MYH3: variants seen among roughly 807,000 people sequenced by gnomAD.
MYH3 encodes myosin heavy chain 3, also known as myosin-3.
MYH3 carries 130 observed loss-of-function variants against 238.0 expected under a neutral mutation model. The ratio of observed to expected loss-of-function variants is 0.55; its 90% CI spans 0.47 to 0.63. MYH3 has a LOEUF of 0.63. Among genes scored for constraint, MYH3 ranks in the 30% least tolerant of loss-of-function variants. The pLI is 0.00. For synonymous variants in MYH3, 880 were observed against 924.1 expected, an observed-to-expected ratio of 0.95 and a Z score of 0.86; for missense variants, 1,853 against 2,374.9, an observed-to-expected ratio of 0.78 and a Z score of 4.57.
rs1162716347 is a variant in MYH3 at position 10,647,353 on chromosome 17, A to G, written c.799+10T>C. 2.5e-6 allele frequency: 4 copies of G among 1,614,150 alleles called. No individual in the cohort carries two copies. The highest frequency in any genetic ancestry group is 1.1e-5 in the South Asian group (1 of 91,084). On this transcript the variant is annotated intron_variant, in intron 9 of 40. Coordinates refer to ENST00000583535, the MANE Select transcript of MYH3 (RefSeq NM_002470.4). Reference sequence around the variant, plus strand: ...CTGAGACGCCATCGAATCCCCATGGATCTACTTACAAGTTTCAATATCTGC... The same window carrying G: ...CTGAGACGCCATCGAATCCCCATGGGTCTACTTACAAGTTTCAATATCTGC...
Position 10,639,599 on chromosome 17 carries a change from CA to C in MYH3, c.2885del (p.Leu962ArgfsTer25), listed in dbSNP as rs1431008342. The C allele has an allele frequency of 6.2e-7, 1 of 1,613,974 alleles. No homozygotes were observed. Among genetic ancestry groups the C allele is most frequent in the Non-Finnish European group, 8.5e-7 (1 of 1,180,022 alleles). ...KKDIDDLELT[L>X]AKVEKEKHAT... ...CATGCTTCTCCTTCTCAACCTTGGCCAGGGTCAACTCAAGGTCATCAATGTC... is the reference window on the plus strand; with the variant it reads ...CATGCTTCTCCTTCTCAACCTTGGCCGGGTCAACTCAAGGTCATCAATGTC... On this transcript the variant is annotated frameshift_variant, in exon 23 of 41. Coordinates refer to ENST00000583535, the MANE Select transcript of MYH3 (RefSeq NM_002470.4). LOFTEE classifies it high-confidence loss of function.
At chr17:10,651,739 T>C in intron 4 of MYH3, 71 bp from the exon 5 acceptor site, 1 of 1,495,254 alleles carries the variant, frequency 6.7e-7, no homozygotes, top group South Asian at 1.2e-5. Flanking sequence ...GCCTTTATTA[T>C]TATTATTGTT....
At position 10,631,960 on chromosome 17, in the gene MYH3, C is replaced by T. The variant is rs748302259; in HGVS notation, c.5013G>A (p.Gln1671=). 1 of 1,614,076 alleles carries T rather than the reference C, an allele frequency of 6.2e-7. No individual in the cohort carries two copies. Among genetic ancestry groups the T allele is most frequent in the Admixed American group, 1.7e-5 (1 of 60,032 alleles). ...ALRGQEDLKE[Q]LAIVERRANL... is the part of the protein sequence containing the mutation. The stretch of plus-strand genomic sequence containing the variant: ...TGGCTCTGCGCTCCACAATCGCCAG[C>T]TGCTCCTTCAGGTCCTCCTGGCCCC... Residue 1671 remains glutamine (Q), a synonymous_variant, in exon 35 of 41, where the codon CAG becomes CAA. Coordinates refer to ENST00000583535, the MANE Select transcript of MYH3 (RefSeq NM_002470.4).
the MYH3 span, among the ~76,000 whole-genome samples, chr17:10,662,455 T>C: frequency 2.0e-4 from 30 of 152,194 alleles, no homozygotes; most frequent in Admixed American, 2.0e-3. Flanking sequence ...TCTCTTTCTT[T>C]CTCTGTAGCT....
rs1303213475 is a variant in MYH3 at position 10,639,469 on chromosome 17, T to A, written c.2931A>T (p.Lys977Asn). The change falls in exon 24 of 41, where the codon AAA (lysine) becomes AAT (asparagine). Residue 977 changes from lysine to asparagine, a missense_variant. Lys to Asn is a moderately conservative substitution (Grantham distance 94). Coordinates refer to ENST00000583535, the MANE Select transcript of MYH3 (RefSeq NM_002470.4). ...ACCCAGAGAGTTCCTCAGTAAGGTT[T>A]TTAACCTAAGAAGAATTCGCAAGCA... is the stretch of plus-strand genomic sequence containing the variant. Reference protein sequence around the residue: ...KEKHATENKVKNLTEELSGLD... With the variant: ...KEKHATENKVNNLTEELSGLD... The A allele has an allele frequency of 6.2e-7, 1 of 1,614,030 alleles. No homozygotes were observed. The highest frequency in any genetic ancestry group is 8.5e-7 in the Non-Finnish European group (1 of 1,180,002).
intron 17 of MYH3, among the ~76,000 whole-genome samples, chr17:10,641,646 C>G (rs2074273644): frequency 6.6e-6 from 1 of 151,886 alleles, no homozygotes; most frequent in Non-Finnish European, 1.5e-5. Flanking sequence ...TCCTGAGTAG[C>G]TGGGACTACA....
chr17:10,640,147 G>A lies in MYH3; in HGVS notation c.2531C>T (p.Ala844Val), dbSNP rs1035337949. 5.0e-6 allele frequency: 8 copies of A among 1,613,996 alleles called. No homozygotes were observed. The highest frequency in any genetic ancestry group is 2.2e-5 in the East Asian group (1 of 44,888). The change falls in exon 22 of 41, where the codon GCA becomes GTA. Residue 844 changes from alanine (A) to valine (V), a missense_variant. Around this residue, in one of 3 missense-constraint regions of MYH3, gnomAD observed 678 missense variants for 1,058.9 expected, o/e 0.64. Coordinates refer to ENST00000583535, the MANE Select transcript of MYH3 (RefSeq NM_002470.4). Reference protein sequence around the residue: ...FFKIKPLLKSAETEKEMATMK... With the variant: ...FFKIKPLLKSVETEKEMATMK... ...GGTGGCCATCTCTTTCTCAGTCTCT[G>A]CACTCTTGAGGAGGGGCTTGATCTT...
chr17:10,664,119 A>T, the MYH3 span, among the ~76,000 whole-genome samples: 4 of 152,144 alleles, frequency 2.6e-5, 1 homozygote, highest in South Asian at 8.3e-4. Flanking sequence ...CACCTTGCAA[A>T]TACAATAAAA....
the MYH3 span, chr17:10,675,813 T>C: frequency 6.6e-6 from 1 of 152,166 alleles, no homozygotes; most frequent in Non-Finnish European, 1.5e-5. Flanking sequence ...CGCCACCCTA[T>C]GTTTAAGAAT....
Position 10,630,474 on chromosome 17 carries a change from G to A in MYH3, c.5287-16C>T, listed in dbSNP as rs1176674500. 6.2e-7 allele frequency: 1 copy of A among 1,613,956 alleles called. No individual in the cohort carries two copies. The highest frequency in any genetic ancestry group is 8.5e-7 in the Non-Finnish European group (1 of 1,180,010). On this transcript the variant is annotated splice_polypyrimidine_tract_variant and intron_variant, in intron 36 of 40. Coordinates refer to ENST00000583535, the MANE Select transcript of MYH3 (RefSeq NM_002470.4). ...TCATGGCAGCCTGAAAAGCACATGGGACTTGCTAGGATGCAGAGGAAGCTC... is the reference window on the plus strand; with the variant it reads ...TCATGGCAGCCTGAAAAGCACATGGAACTTGCTAGGATGCAGAGGAAGCTC...
rs2074259906 is a variant in MYH3, at chr17:10,640,439, G to A, written c.2320C>T (p.Leu774=). 3.1e-6 allele frequency: 5 copies of A among 1,614,226 alleles called. No homozygotes were observed. The highest frequency in any genetic ancestry group is 4.2e-6 in the Non-Finnish European group (5 of 1,180,038). ...AGGCGGTCATCCCGCATCTCTTCCA[G>A]GGTTCCCAGCAAGCCAGCCTTGAAG... is the stretch of plus-strand genomic sequence containing the variant. ...VFFKAGLLGT[L]EEMRDDRLAK... Residue 774 remains leucine (L), a synonymous_variant, in exon 21 of 41, where the codon CTG becomes TTG. Transcript: ENST00000583535.
intron 34 of MYH3, 104 bp from the exon 35 acceptor site, chr17:10,632,120 T>C: frequency 7.4e-7 from 1 of 1,355,618 alleles, no homozygotes; most frequent in Non-Finnish European, 1.0e-6. Context: ...GTTTTTGTTT[T>C]GTTTTGTTTT....
In MYH3 at chr17:10,646,030, G is replaced by C. The variant is rs2074317601; in HGVS notation, c.901C>G (p.Leu301Val). 1 of 1,612,390 alleles carries C rather than the reference G, an allele frequency of 6.2e-7. No individual in the cohort carries two copies. ...LSNKKPELIE[L>V]LLITTNPYDY... The stretch of plus-strand genomic sequence containing the variant: ...TAAGGGTTGGTCGTAATAAGCAGCA[G>C]CTCTGAAATGACAAATAGTTCCAGG... Residue 301 changes from leucine (L) to valine (V), a missense_variant and splice_region_variant, in exon 11 of 41, where the codon CTG becomes GTG. Physicochemically the swap from Leu to Val is conservative, Grantham distance 32 (BLOSUM62 1). Transcript: ENST00000583535.
At chr17:10,651,826 C>T in intron 4 of MYH3, 158 bp from the exon 5 acceptor site, 2 of 1,023,994 alleles carry the variant, frequency 2.0e-6, no homozygotes, top group Non-Finnish European at 2.8e-6. Context: ...TCACTGCAAC[C>T]TCCACCTCCC....
In MYH3 at chr17:10,631,963, C is replaced by A. The variant is rs1352595435; in HGVS notation, c.5010G>T (p.Glu1670Asp). ...CTCTGCGCTCCACAATCGCCAGCTG[C>A]TCCTTCAGGTCCTCCTGGCCCCGGA... ...DALRGQEDLK[E>D]QLAIVERRAN... is the part of the protein sequence containing the mutation. The change falls in exon 35 of 41, where the codon GAG becomes GAT. Residue 1670 changes from glutamate to aspartate, a missense_variant. Glu to Asp is a conservative substitution (Grantham distance 45). Around this residue, in one of 3 missense-constraint regions of MYH3, gnomAD observed 1,044 missense variants for 1,192.6 expected, o/e 0.88. Transcript: ENST00000583535. 3.7e-6 allele frequency: 6 copies of A among 1,613,914 alleles called. No homozygotes were observed. In the East Asian group the frequency reaches 1.3e-4, roughly 36 times the overall value.
At chr17:10,655,971 G>A (rs1423333515) in intron 2 of MYH3, 119 bp downstream of exon 2, 1 of 152,334 alleles carries the variant, frequency 6.6e-6, no homozygotes, top group African/African-American at 2.4e-5. Context: ...TTGTCTAAAT[G>A]TGCTAGTTCC....
chr17:10,661,725 G>A (rs1286631697), upstream of MYH3, among the ~76,000 whole-genome samples: 3 of 152,104 alleles, frequency 2.0e-5, no homozygotes, highest in Non-Finnish European at 2.9e-5. Context: ...TCCCAGCCTC[G>A]CAGCATCATG....
the MYH3 span, among the ~76,000 whole-genome samples, chr17:10,670,593 G>A: frequency 6.6e-6 from 1 of 152,044 alleles, no homozygotes; most frequent in Non-Finnish European, 1.5e-5. This position sits in a 1 kb window ranked among gnomAD's most constrained non-coding sequence, Gnocchi z 7.0. Context: ...GCAAGCACAT[G>A]CCACAGTGCC....
chr17:10,659,416 A>G (rs116425993), upstream of MYH3, among the ~76,000 whole-genome samples: 1 of 152,206 alleles, frequency 6.6e-6, no homozygotes, highest in Non-Finnish European at 1.5e-5. Flanking sequence ...AGAAAACGTC[A>G]CAGACTCCTA....
Sources: allele counts gnomAD v4.1 joint callset (sites outside exome capture counted in the v4.1 genomes callset), GRCh38; gene constraint gnomAD v4.1.1; regional missense constraint gnomAD v4.1.1; non-coding constraint Gnocchi (gnomAD v3.1); transcripts MANE v1.5; gene names NCBI Gene and HGNC (gene_info 2026-07-23, HGNC 2026-07-21).